The following MINDY3 variants were observed in gnomAD, a reference collection of about 807,000 sequenced individuals.
MINDY3 encodes the protein MINDY lysine 48 deubiquitinase 3.
In MINDY3, 38 loss-of-function variants were observed where a neutral mutation model predicts 69.2. The ratio of observed to expected loss-of-function variants is 0.55; its 90% CI spans 0.42 to 0.72. The LOEUF (loss-of-function observed/expected upper bound fraction) is 0.72, where lower values mean the gene tolerates loss of function less well. MINDY3 is among the 30% of genes least tolerant of loss of function. The probability of loss-of-function intolerance (pLI) is 0.00; values close to 1 mark genes in which losing one functional copy is unlikely to be tolerated. For missense variants in MINDY3, 522 were observed against 519.0 expected, an observed-to-expected ratio of 1.01 and a Z score of -0.06; for synonymous variants, 192 against 180.1, an observed-to-expected ratio of 1.07 and a Z score of -0.53.
rs370637730 is a variant in MINDY3, at chr10:15,778,959, T to C, written c.*33A>G. 9.0e-5 allele frequency: 143 copies of C among 1,593,264 alleles called. 1 individual carries two copies. The African/African-American group carries it at 1.8e-3, about 20-fold the overall frequency. ...CTTGACTCCTTCTTTCAACATCTGT[T>C]ATTAAGATCTTCCTTATAAATACTT... is the stretch of plus-strand genomic sequence containing the variant. On this transcript the variant is annotated 3_prime_UTR_variant, in exon 15 of 15. Coordinates refer to ENST00000277632, the MANE Select transcript of MINDY3 (RefSeq NM_024948.4).
chr10:15,779,181 C>G (rs1237739796), intron 14 of MINDY3, 40 bp from the exon 15 acceptor site: 1 of 1,575,900 alleles, frequency 6.3e-7, no homozygotes, highest in Non-Finnish European at 8.6e-7. Context: ...AAGCAACAGT[C>G]TTAGCAAATT....
chr10:15,842,602 A>G (rs1358990247), intron 3 of MINDY3, among the ~76,000 whole-genome samples: 5 of 151,900 alleles, frequency 3.3e-5, no homozygotes, highest in African/African-American at 4.8e-5. Context: ...ATCCTTAGAT[A>G]CAAAACTGGG....
At chr10:15,832,898 C>G (rs183940953) in intron 8 of MINDY3, among the ~76,000 whole-genome samples, 1 of 152,238 alleles carries the variant, frequency 6.6e-6, no homozygotes, top group Non-Finnish European at 1.5e-5. Flanking sequence ...TATATTTGCT[C>G]TGTTTGACTG....
chr10:15,828,397 C>A (rs190763417), intron 8 of MINDY3, among the ~76,000 whole-genome samples: 1 of 151,946 alleles, frequency 6.6e-6, no homozygotes, highest in African/African-American at 2.4e-5. Flanking sequence ...AGTAGATGAG[C>A]GGATGCTAGG....
intron 2 of MINDY3, among the ~76,000 whole-genome samples, chr10:15,845,379 T>C (rs973815007): frequency 1.3e-5 from 2 of 152,206 alleles, no homozygotes; most frequent in African/African-American, 4.8e-5. Flanking sequence ...GATCTAATTT[T>C]TATACTCTAA....
chr10:15,812,518 AT>A (rs1839076719), intron 10 of MINDY3, among the ~76,000 whole-genome samples: 1 of 152,204 alleles, frequency 6.6e-6, no homozygotes, highest in Non-Finnish European at 1.5e-5. Flanking sequence ...GGCATAAAGA[AT>A]AGATGTGGGT....
rs1248923471 is a variant in MINDY3, at chr10:15,847,870, A to G, written c.168T>C (p.Pro56=). Residue 56 remains proline, a synonymous_variant, in exon 2 of 15, where the codon CCT becomes CCC. Transcript: ENST00000277632. Reference sequence around the variant, plus strand: ...GTAAAGGAGTCTATGTTACCTGAACAGGTGCAATAACAGCACAGGGGCCAC... The same window carrying G: ...GTAAAGGAGTCTATGTTACCTGAACGGGTGCAATAACAGCACAGGGGCCAC... The part of the protein sequence containing the change: ...FEGGPCAVIA[P]VQAFLLKKLL... 2 of 1,612,830 alleles carry G rather than the reference A, an allele frequency of 1.2e-6. No homozygotes were observed. The highest frequency in any genetic ancestry group is 2.2e-5 in the South Asian group (2 of 91,052).
intron 1 of MINDY3, among the ~76,000 whole-genome samples, chr10:15,856,655 A>T (rs1834713133): frequency 6.6e-6 from 1 of 152,216 alleles, no homozygotes; most frequent in Non-Finnish European, 1.5e-5. Flanking sequence ...CTGCAATACC[A>T]TTAATGAGCT....
chr10:15,831,825 A>T (rs960994577), intron 8 of MINDY3, among the ~76,000 whole-genome samples: 1 of 151,958 alleles, frequency 6.6e-6, no homozygotes, highest in African/African-American at 2.4e-5. Flanking sequence ...ACAGGCATGC[A>T]TCACCACATC....
At chr10:15,789,111 A>C (rs1395754057) in intron 12 of MINDY3, 136 bp downstream of exon 12, 2 of 523,830 alleles carry the variant, frequency 3.8e-6, no homozygotes, top group East Asian at 5.9e-5. Context: ...TCGATTTCTT[A>C]ATCTTTGCCT....
intron 10 of MINDY3, among the ~76,000 whole-genome samples, chr10:15,800,971 A>T (rs1346284230): frequency 6.6e-6 from 1 of 152,212 alleles, no homozygotes; most frequent in African/African-American, 2.4e-5. Context: ...TAAAGGAGCT[A>T]AAGGTGGAGA....
intron 1 of MINDY3, among the ~76,000 whole-genome samples, chr10:15,853,878 C>T (rs974667553): frequency 1.3e-5 from 2 of 151,968 alleles, no homozygotes; most frequent in Admixed American, 6.6e-5. Flanking sequence ...GATAAAATTT[C>T]GAGCATTCAA....
intron 4 of MINDY3, among the ~76,000 whole-genome samples, chr10:15,839,665 C>T (rs1342107477): frequency 6.6e-6 from 1 of 151,246 alleles, no homozygotes; most frequent in East Asian, 1.9e-4. Flanking sequence ...AAGAACAAAG[C>T]TGGGAATAAA....
intron 10 of MINDY3, among the ~76,000 whole-genome samples, chr10:15,804,234 C>T (rs886773785): frequency 3.0e-4 from 46 of 151,250 alleles, no homozygotes; most frequent in African/African-American, 9.5e-4. Context: ...GGCGGGGGGG[C>T]GGGGGATGGA....
intron 1 of MINDY3, among the ~76,000 whole-genome samples, chr10:15,851,002 C>T (rs144714226): frequency 2.8e-4 from 42 of 152,294 alleles, no homozygotes; most frequent in Admixed American, 1.7e-3. Context: ...GTGAACCAAA[C>T]TCATTCTCAC....
In MINDY3 at chr10:15,778,736, T is replaced by A; in HGVS notation, c.*256A>T. 3.1e-6 allele frequency: 1 copy of A among 326,546 alleles called. No homozygotes were observed. Among genetic ancestry groups the A allele is most frequent in the South Asian group, 7.4e-5 (1 of 13,530 alleles). 20.2% of individuals were successfully genotyped at this position (326,546 alleles called of 1,614,324 possible). ...GTAAGTAAATGACCAAGTATCTGAA[T>A]GCAAAAGTGATGAACTTTGATGAAA... is the stretch of plus-strand genomic sequence containing the variant. On this transcript the variant is annotated 3_prime_UTR_variant, in exon 15 of 15. Transcript: ENST00000277632.
At chr10:15,783,950 A>G (rs1836751053) in intron 13 of MINDY3, among the ~76,000 whole-genome samples, 2 of 152,330 alleles carry the variant, frequency 1.3e-5, no homozygotes, top group South Asian at 4.1e-4. Flanking sequence ...GCCCACTGGT[A>G]AAGTGCATAG....
intron 1 of MINDY3, among the ~76,000 whole-genome samples, chr10:15,854,729 T>G (rs1834570178): frequency 6.6e-6 from 1 of 152,050 alleles, no homozygotes; most frequent in Non-Finnish European, 1.5e-5. Context: ...TTTAACTACA[T>G]TTGTATTGGT....
chr10:15,838,292 G>A lies in MINDY3; in HGVS notation c.410-13C>T. On this transcript the variant is annotated splice_polypyrimidine_tract_variant and intron_variant, in intron 4 of 14. Transcript: ENST00000277632. ...ACAGCCAAGGCAGCTATACATAAAA[G>A]ACACTTTTCAGCACTACACATGGCA... 1 of 1,596,652 alleles carries A rather than the reference G, an allele frequency of 6.3e-7. No individual in the cohort carries two copies. The highest frequency in any genetic ancestry group is 1.8e-5 in the Admixed American group (1 of 56,170).
Sources: allele counts gnomAD v4.1 joint callset (sites outside exome capture counted in the v4.1 genomes callset), GRCh38; gene constraint gnomAD v4.1.1; transcripts MANE v1.5; gene names NCBI Gene and HGNC (gene_info 2026-07-23, HGNC 2026-07-21).